POPDC2: variants seen among roughly 807,000 people sequenced by gnomAD.
POPDC2 encodes the protein popeye domain-containing protein 2.
Under a neutral mutation model 30.5 loss-of-function variants are expected in POPDC2, and 24 were observed. The ratio of observed to expected loss-of-function variants is 0.79; its 90% CI spans 0.57 to 1.11. The LOEUF is 1.11. Among genes scored for constraint, POPDC2 ranks in the 50% least tolerant of loss-of-function variants. POPDC2 has a pLI of 0.00. For synonymous variants in POPDC2, 185 were observed against 183.3 expected, an observed-to-expected ratio of 1.01 and a Z score of -0.07; for missense variants, 409 against 447.0, an observed-to-expected ratio of 0.91 and a Z score of 0.77.
intron 1 of POPDC2, among the ~76,000 whole-genome samples, chr3:119,654,912 G>T (rs1379393022): frequency 6.6e-6 from 1 of 152,144 alleles, no homozygotes; most frequent in Non-Finnish European, 1.5e-5. Context: ...AAGCACCTAG[G>T]CTTGGGCCTT....
chr3:119,645,886 G>A (rs188062261), intron 3 of POPDC2, among the ~76,000 whole-genome samples: 13 of 152,308 alleles, frequency 8.5e-5, no homozygotes, highest in African/African-American at 3.1e-4. Context: ...GGTTCCTGGG[G>A]ACAGCTGGTC....
At position 119,648,217 on chromosome 3, in the gene POPDC2, ACCT is replaced by A. The variant is rs1342346374; in HGVS notation, c.1049_1051del (p.Glu350del). ...ATCCATAAACGATTCTGATCCTGAC[ACCT>A]CCTCAAAATCCTCCAGCACCAGACT... On this transcript the variant is annotated inframe_deletion, in exon 3 of 4. Transcript: ENST00000493094. 7 of 1,591,996 alleles carry A rather than the reference ACCT, an allele frequency of 4.4e-6. No individual in the cohort carries two copies. In the South Asian group the frequency reaches 7.9e-5, roughly 18 times the overall value.
chr3:119,645,399 A>C (rs1461455726), intron 3 of POPDC2, among the ~76,000 whole-genome samples: 1 of 152,082 alleles, frequency 6.6e-6, no homozygotes, highest in Non-Finnish European at 1.5e-5. Flanking sequence ...TGTCTCTACT[A>C]AAAATAGAAA....
At chr3:119,655,310 G>T (rs1172469671) in intron 1 of POPDC2, among the ~76,000 whole-genome samples, 2 of 152,152 alleles carry the variant, frequency 1.3e-5, no homozygotes, top group Non-Finnish European at 2.9e-5. Flanking sequence ...CTGGGCAAAA[G>T]AGCAAGATTC....
At chr3:119,645,236 G>A (rs2052731694) in intron 3 of POPDC2, among the ~76,000 whole-genome samples, 1 of 152,198 alleles carries the variant, frequency 6.6e-6, no homozygotes, top group Admixed American at 6.5e-5. Flanking sequence ...TGAGGGCTTG[G>A]GGACTGAGTT....
intron 2 of POPDC2, among the ~76,000 whole-genome samples, chr3:119,651,433 G>A (rs1003546887): frequency 6.6e-6 from 1 of 151,610 alleles, no homozygotes; most frequent in African/African-American, 2.4e-5. Context: ...TTATGCCTAT[G>A]GCTTTTTGTC....
chr3:119,656,739 T>C (rs1375994212), intron 1 of POPDC2, among the ~76,000 whole-genome samples: 1 of 152,116 alleles, frequency 6.6e-6, no homozygotes, highest in East Asian at 1.9e-4. Flanking sequence ...AAGTGAGTTA[T>C]ATCAGGCAAT....
intron 3 of POPDC2, among the ~76,000 whole-genome samples, chr3:119,645,770 A>C (rs933421741): frequency 6.6e-6 from 1 of 152,162 alleles, no homozygotes; most frequent in Non-Finnish European, 1.5e-5. Flanking sequence ...TCTTGCTGAA[A>C]GACACTCAGA....
chr3:119,642,488 C>G lies in POPDC2; in HGVS notation c.*117G>C. ...AGTCCAATGATCCTTAAAGTTCAGGCGTGTGGGTTGGAGCCAAAGGGGCCT... is the reference window on the plus strand; with the variant it reads ...AGTCCAATGATCCTTAAAGTTCAGGGGTGTGGGTTGGAGCCAAAGGGGCCT... On this transcript the variant is annotated 3_prime_UTR_variant, in exon 4 of 4. Coordinates refer to ENST00000493094, the MANE Select transcript of POPDC2 (RefSeq NM_001369919.2). The G allele has an allele frequency of 3.1e-6, 5 of 1,609,530 alleles. No individual in the cohort carries two copies. The highest frequency in any genetic ancestry group is 4.3e-6 in the Non-Finnish European group (5 of 1,175,922).
At chr3:119,656,208 C>T (rs1178798632) in intron 1 of POPDC2, among the ~76,000 whole-genome samples, 3 of 152,118 alleles carry the variant, frequency 2.0e-5, no homozygotes. Context: ...CCTAGTAGGA[C>T]ATGTTCTTGT....
chr3:119,653,368 T>G (rs2052837966), intron 2 of POPDC2, among the ~76,000 whole-genome samples: 1 of 151,992 alleles, frequency 6.6e-6, no homozygotes, highest in South Asian at 2.1e-4. Flanking sequence ...TTGGCAGAGA[T>G]AAGAAGAGTA....
At chr3:119,651,363 GT>G (rs5852216) in intron 2 of POPDC2, among the ~76,000 whole-genome samples, 184 of 148,892 alleles carry the variant, frequency 1.2e-3, no homozygotes, top group Admixed American at 2.6e-3. Flanking sequence ...ACTACTCTAG[GT>G]TTTTTTTTTT....
chr3:119,647,254 G>A (rs2052755473), intron 3 of POPDC2, among the ~76,000 whole-genome samples: 1 of 152,146 alleles, frequency 6.6e-6, no homozygotes, highest in Admixed American at 6.5e-5. Flanking sequence ...TGGGAACAAT[G>A]GGATTTTCCT....
chr3:119,648,291 G>A lies in POPDC2; in HGVS notation c.978C>T (p.Ala326=). 1.2e-6 allele frequency: 2 copies of A among 1,614,128 alleles called. No individual in the cohort carries two copies. Among genetic ancestry groups the A allele is most frequent in the Non-Finnish European group, 1.7e-6 (2 of 1,180,024 alleles). The change falls in exon 3 of 4, where the codon GCC becomes GCT. Residue 326 remains alanine (A), a synonymous_variant. Coordinates refer to ENST00000493094, the MANE Select transcript of POPDC2 (RefSeq NM_001369919.2). ...TTNFPAPPTR[A]RLSRPDSGIL... is the part of the protein sequence containing the mutation. ...TGCCACTGTCTGGCCTGGACAACCT[G>A]GCCCGGGTAGGAGGTGCAGGAAAGT...
chr3:119,654,410 A>G (rs2688631), intron 2 of POPDC2, 95 bp downstream of exon 2: 522,483 of 845,250 alleles, frequency 0.62, 163,923 homozygotes, highest in South Asian at 0.73. Context: ...CAGGGGTGCG[A>G]AGGACAGATG....
At chr3:119,654,147 A>G (rs759648441) in intron 2 of POPDC2, among the ~76,000 whole-genome samples, 1 of 152,210 alleles carries the variant, frequency 6.6e-6, no homozygotes, top group African/African-American at 2.4e-5. Context: ...GTGGTTCAGC[A>G]TGGCTAGTAT....
At position 119,648,563 on chromosome 3, in the gene POPDC2, G is replaced by T. The variant is rs767528473; in HGVS notation, c.706C>A (p.Leu236Met). The change falls in exon 3 of 4, where the codon CTG becomes ATG. Residue 236 changes from leucine to methionine, a missense_variant. Coordinates refer to ENST00000493094, the MANE Select transcript of POPDC2 (RefSeq NM_001369919.2). ...TTCTCTGAGATGTCATATCCCAGCA[G>T]AGCCGAGAAGAGGCAGGAGATGTAT... ...ERYISCLFSA[L>M]LGYDISEKLY... The T allele has an allele frequency of 3.1e-6, 5 of 1,613,888 alleles. No homozygotes were observed. Among genetic ancestry groups the T allele is most frequent in the Non-Finnish European group, 4.2e-6 (5 of 1,179,974 alleles).
intron 3 of POPDC2, among the ~76,000 whole-genome samples, chr3:119,643,969 A>G (rs1362372732): frequency 6.6e-6 from 1 of 152,224 alleles, no homozygotes; most frequent in African/African-American, 2.4e-5. Context: ...CTAAAATTTG[A>G]AGATATTACA....
rs568762427 is a variant in POPDC2 at position 119,655,579 on chromosome 3, A to T, written c.492-966T>A. ...TAGCTACATGAAGATTCATGCTTACATTTAACCACTTTGTAGACTTTGAAG... is the reference window on the plus strand; with the variant it reads ...TAGCTACATGAAGATTCATGCTTACTTTTAACCACTTTGTAGACTTTGAAG... On this transcript the variant is annotated intron_variant, in intron 1 of 3. Transcript: ENST00000493094. 1.1e-4 allele frequency among the ~76,000 whole-genome samples: 17 copies of T among 152,308 alleles called. No homozygotes were observed. In the South Asian group the frequency reaches 3.5e-3, roughly 32 times the overall value.
Sources: gnomAD v4.1 joint callset for allele counts (sites outside exome capture counted in the v4.1 genomes callset) on GRCh38, gnomAD v4.1.1 for gene constraint, MANE v1.5 for transcripts, NCBI Gene and HGNC (gene_info 2026-07-23, HGNC 2026-07-21) for gene names.